The following GLI3 variants were observed in gnomAD, a reference collection of about 807,000 sequenced individuals.
The protein encoded by GLI3 is transcription activator GLI3.
A neutral mutation model predicts 100.8 loss-of-function variants in GLI3; 20 were observed. That is an observed-to-expected ratio of 0.20 (90% CI 0.14 to 0.29). GLI3 has a LOEUF of 0.29. GLI3 is among the 10% of genes least tolerant of loss of function. The pLI, the probability that GLI3 is intolerant of heterozygous loss-of-function variation, is 1.00. For synonymous variants in GLI3, 938 were observed against 860.5 expected (o/e 1.09, Z -1.58); for missense variants, 2,040 against 2,128.5 (o/e 0.96, Z 0.82).
intron 1 of GLI3, among the ~76,000 whole-genome samples, chr7:42,259,874 T>C (rs568764477): frequency 6.6e-6 from 1 of 152,346 alleles, no homozygotes; most frequent in South Asian, 2.1e-4. Flanking sequence ...AAAATAAACC[T>C]GTGGGCATCT....
At chr7:42,029,756 C>T (rs540147200) in intron 7 of GLI3, among the ~76,000 whole-genome samples, 4 of 152,260 alleles carry the variant, frequency 2.6e-5, no homozygotes, top group South Asian at 4.2e-4. Context: ...CTCAGAGGGG[C>T]CTTCTTAGAC....
chr7:42,018,532 C>T (rs981187794), intron 10 of GLI3, among the ~76,000 whole-genome samples: 5 of 152,192 alleles, frequency 3.3e-5, no homozygotes, highest in South Asian at 2.1e-4. Context: ...GTCTTCACAT[C>T]CTAACTCTTC....
intron 3 of GLI3, among the ~76,000 whole-genome samples, chr7:42,110,132 C>CA (rs1785670726): frequency 6.6e-6 from 1 of 152,128 alleles, no homozygotes; most frequent in Admixed American, 6.5e-5. Flanking sequence ...AAGAATCTCA[C>CA]AAAAAATTCT....
chr7:42,216,074 C>G (rs1014934800), intron 2 of GLI3, among the ~76,000 whole-genome samples: 5 of 152,160 alleles, frequency 3.3e-5, no homozygotes, highest in Non-Finnish European at 5.9e-5. Context: ...CAGAGTCAGA[C>G]AGGTTAAGTA....
chr7:42,113,458 C>A, intron 3 of GLI3: 1 of 749,026 alleles, frequency 1.3e-6, no homozygotes, highest in Admixed American at 1.7e-5. Flanking sequence ...GTCTGCTAAA[C>A]CTGCTCCTCC....
intron 2 of GLI3, among the ~76,000 whole-genome samples, chr7:42,173,305 C>G (rs1787414332): frequency 6.6e-6 from 1 of 152,136 alleles, no homozygotes; most frequent in African/African-American, 2.4e-5. Flanking sequence ...TTCATGTCCC[C>G]TCATGTCCCA....
At chr7:42,132,255 T>TGCCTGCCCGCCACC (rs1415967702) in intron 3 of GLI3, among the ~76,000 whole-genome samples, 1 of 149,332 alleles carries the variant, frequency 6.7e-6, no homozygotes, top group Non-Finnish European at 1.5e-5. Context: ...CGCCCGCCAC[T>TGCCTGCCCGCCACC]ACGCCCGGCT....
At chr7:42,147,111 G>A (rs1413026608) in intron 3 of GLI3, among the ~76,000 whole-genome samples, 1 of 152,076 alleles carries the variant, frequency 6.6e-6, no homozygotes, top group Non-Finnish European at 1.5e-5. Context: ...TAATCTGGTT[G>A]GGGGGGAGGT....
intron 3 of GLI3, among the ~76,000 whole-genome samples, chr7:42,097,807 G>T (rs1406716023): frequency 6.6e-6 from 1 of 152,110 alleles, no homozygotes; most frequent in African/African-American, 2.4e-5. Flanking sequence ...CCTCAGTTCT[G>T]CTCAGGCCAT....
At chr7:42,143,984 A>G (rs1388059009) in intron 3 of GLI3, among the ~76,000 whole-genome samples, 2 of 152,226 alleles carry the variant, frequency 1.3e-5, no homozygotes, top group Non-Finnish European at 2.9e-5. Flanking sequence ...AACTTTGCAC[A>G]AAGATCCCTG....
chr7:42,262,434 A>T (rs1789155177), intron 1 of GLI3, among the ~76,000 whole-genome samples: 3 of 151,942 alleles, frequency 2.0e-5, no homozygotes, highest in Admixed American at 6.6e-5. Flanking sequence ...TAATTTTTTT[A>T]AATTTTGTAG....
chr7:42,030,653 T>G (rs846284), intron 7 of GLI3, among the ~76,000 whole-genome samples: 77,910 of 151,174 alleles, frequency 0.52, 21,358 homozygotes, highest in African/African-American at 0.72. Flanking sequence ...ATGTATTCAT[T>G]CCACAATTTC....
At chr7:42,121,682 T>C (rs1223446311) in intron 3 of GLI3, among the ~76,000 whole-genome samples, 1 of 152,100 alleles carries the variant, frequency 6.6e-6, no homozygotes, top group African/African-American at 2.4e-5. Flanking sequence ...TTCCAGTTTG[T>C]ATGTCTGCTC....
At chr7:42,262,209 TTTC>T (rs1789150620) in intron 1 of GLI3, among the ~76,000 whole-genome samples, 1 of 110,842 alleles carries the variant, frequency 9.0e-6, no homozygotes, top group African/African-American at 4.0e-5. Flanking sequence ...TCCTTCCTTC[TTTC>T]CTTCCTTCCT....
intron 2 of GLI3, among the ~76,000 whole-genome samples, chr7:42,157,370 C>T (rs527338261): frequency 3.7e-4 from 56 of 152,188 alleles, no homozygotes; most frequent in Non-Finnish European, 6.6e-4. Context: ...GGCTCAGGTA[C>T]TGCCTATGAG....
At chr7:41,979,044 CA>C (rs1245961881) in intron 10 of GLI3, among the ~76,000 whole-genome samples, 1 of 152,134 alleles carries the variant, frequency 6.6e-6, no homozygotes, top group Non-Finnish European at 1.5e-5. Flanking sequence ...AGTTCAATTC[CA>C]GGTTTGGGAC....
At chr7:42,018,394 CT>C (rs1446007435) in intron 10 of GLI3, among the ~76,000 whole-genome samples, 10 of 152,148 alleles carry the variant, frequency 6.6e-5, no homozygotes, top group Non-Finnish European at 1.5e-4. Flanking sequence ...TCTGAGACCC[CT>C]ATCGCATCTT....
chr7:41,977,174 A>T, intron 12 of GLI3, among the ~76,000 whole-genome samples: 1 of 152,012 alleles, frequency 6.6e-6, no homozygotes, highest in East Asian at 1.9e-4. Flanking sequence ...AGCTGTCAAC[A>T]TGCTACTTCT....
chr7:41,998,372 A>G (rs537638275), intron 10 of GLI3, among the ~76,000 whole-genome samples: 1 of 152,326 alleles, frequency 6.6e-6, no homozygotes, highest in African/African-American at 2.4e-5. Flanking sequence ...GCCTGTAAAA[A>G]CCATTCAAAA....
Sources: gnomAD v4.1 joint callset for allele counts (sites outside exome capture counted in the v4.1 genomes callset) on GRCh38, gnomAD v4.1.1 for gene constraint, MANE v1.5 for transcripts, NCBI Gene and HGNC (gene_info 2026-07-23, HGNC 2026-07-21) for gene names.